SUMF1: variants seen among roughly 807,000 people sequenced by gnomAD.
SUMF1 encodes the protein sulfatase modifying factor 1, also known as formylglycine-generating enzyme.
SUMF1 carries 48 observed loss-of-function variants against 47.6 expected under a neutral mutation model. The observed-to-expected ratio is 1.01, with a 90% confidence interval of 0.80 to 1.28. The LOEUF (loss-of-function observed/expected upper bound fraction) is 1.28, where lower values mean the gene tolerates loss of function less well. SUMF1 is among the 50% of genes most tolerant of loss of function. The pLI is 0.00. For synonymous variants in SUMF1, 230 were observed against 192.1 expected (o/e 1.20, Z -1.63); for missense variants, 571 against 485.4 (o/e 1.18, Z -1.66).
rs1285024183 is a variant in SUMF1 at position 4,049,315 on chromosome 3, T to A, written c.1191+19254A>T. Among the ~76,000 whole-genome samples, 4 of 152,144 alleles carry A rather than the reference T, an allele frequency of 2.6e-5. No individual in the cohort carries two copies. In the East Asian group the frequency reaches 7.7e-4, roughly 29 times the overall value. On this transcript the variant is annotated intron_variant and NMD_transcript_variant, in intron 9 of 12. Transcript: ENST00000448413. ...AGCTTTTACTGGAGGTAATGCTGTA[T>A]CACTTCTTCTCGTATTTCACTGTCT... is the stretch of plus-strand genomic sequence containing the variant.
chr3:4,436,518 A>T (rs1183778315), intron 3 of SUMF1, among the ~76,000 whole-genome samples: 1 of 151,800 alleles, frequency 6.6e-6, no homozygotes, highest in African/African-American at 2.4e-5. Context: ...ATCTAATTGG[A>T]GTTTCAGAGG....
intron 6 of SUMF1, among the ~76,000 whole-genome samples, chr3:4,412,350 A>G (rs1181572176): frequency 3.3e-5 from 5 of 152,202 alleles, no homozygotes; most frequent in Non-Finnish European, 5.9e-5. Context: ...CGCAAGAGAG[A>G]GAAGCTTCTG....
At chr3:4,404,196 A>G (rs1237941769) in intron 7 of SUMF1, among the ~76,000 whole-genome samples, 2 of 152,208 alleles carry the variant, frequency 1.3e-5, no homozygotes, top group African/African-American at 4.8e-5. Flanking sequence ...AAAAATTACA[A>G]TGAGTAAACA....
intron 3 of SUMF1, among the ~76,000 whole-genome samples, chr3:4,426,074 A>C (rs965678964): frequency 1.3e-5 from 2 of 152,232 alleles, no homozygotes; most frequent in Non-Finnish European, 2.9e-5. Flanking sequence ...TATGGGAGCT[A>C]CAATTCATTC....
intron 8 of SUMF1, among the ~76,000 whole-genome samples, chr3:4,286,437 A>C (rs973470996): frequency 6.6e-6 from 1 of 152,128 alleles, no homozygotes; most frequent in Non-Finnish European, 1.5e-5. Context: ...GCTGTGCAAC[A>C]ATCAGCGCAC....
intron 7 of SUMF1, among the ~76,000 whole-genome samples, chr3:4,388,327 C>T (rs539667828): frequency 1.3e-5 from 2 of 152,182 alleles, no homozygotes; most frequent in South Asian, 4.1e-4. Flanking sequence ...TTCCTCAACT[C>T]TGGTAAATTT....
At chr3:4,303,494 T>C in intron 8 of SUMF1, 3 of 1,480,866 alleles carry the variant, frequency 2.0e-6, no homozygotes, top group Non-Finnish European at 2.7e-6. Context: ...GGTGGGCGCG[T>C]GGCCCCCGGG....
At chr3:4,366,207 T>C (rs931804523) in intron 8 of SUMF1, among the ~76,000 whole-genome samples, 6 of 151,916 alleles carry the variant, frequency 3.9e-5, no homozygotes, top group Non-Finnish European at 8.8e-5. Context: ...GGAGTTGCTC[T>C]TCTCGAGGAG....
At chr3:4,166,100 C>T (rs1825508) in intron 8 of SUMF1, among the ~76,000 whole-genome samples, 6,302 of 152,152 alleles carry the variant, frequency 0.041, 396 homozygotes, top group East Asian at 0.18. Flanking sequence ...AACACATTCT[C>T]GAAGACCTGC....
intron 8 of SUMF1, among the ~76,000 whole-genome samples, chr3:4,167,313 C>T (rs757486330): frequency 8.5e-5 from 13 of 152,204 alleles, no homozygotes; most frequent in Non-Finnish European, 1.9e-4. Context: ...CTTATTTGTC[C>T]CCTCCCATGT....
chr3:4,074,624 C>T (rs111358303), intron 8 of SUMF1, among the ~76,000 whole-genome samples: 1 of 151,808 alleles, frequency 6.6e-6, no homozygotes, highest in Non-Finnish European at 1.5e-5. Context: ...AGAGAAGAAT[C>T]AAATAGACCC....
At chr3:4,182,886 A>G (rs1283780335) in intron 8 of SUMF1, among the ~76,000 whole-genome samples, 1 of 152,114 alleles carries the variant, frequency 6.6e-6, no homozygotes, top group African/African-American at 2.4e-5. Context: ...ATGGGGAAAG[A>G]GGGTAAGTTG....
chr3:4,460,057 C>T (rs933419843), intron 1 of SUMF1, among the ~76,000 whole-genome samples: 4 of 152,116 alleles, frequency 2.6e-5, no homozygotes, highest in African/African-American at 9.7e-5. Flanking sequence ...AAAAAGGATG[C>T]TTTTGATATA....
chr3:4,259,386 G>C (rs769530000), intron 8 of SUMF1, among the ~76,000 whole-genome samples: 3 of 152,086 alleles, frequency 2.0e-5, no homozygotes, highest in Non-Finnish European at 4.4e-5. Flanking sequence ...TACATGTTAC[G>C]TAAGGCAAAA....
chr3:4,457,319 T>G (rs898973591), intron 1 of SUMF1, among the ~76,000 whole-genome samples: 3 of 151,986 alleles, frequency 2.0e-5, no homozygotes, highest in African/African-American at 7.3e-5. Flanking sequence ...TCAATGTAAT[T>G]TCTATCAAAT....
At chr3:4,367,353 T>C (rs891043012) in intron 8 of SUMF1, among the ~76,000 whole-genome samples, 1 of 152,250 alleles carries the variant, frequency 6.6e-6, no homozygotes, top group African/African-American at 2.4e-5. Flanking sequence ...CCAGGCCTCC[T>C]TGAGCTGTGG....
chr3:4,168,705 A>G (rs1312742918), intron 8 of SUMF1, among the ~76,000 whole-genome samples: 1 of 152,196 alleles, frequency 6.6e-6, no homozygotes, highest in Non-Finnish European at 1.5e-5. Context: ...TGAGCAAGTC[A>G]TTTCATACTT....
intron 8 of SUMF1, among the ~76,000 whole-genome samples, chr3:4,145,953 T>C (rs1403896177): frequency 6.6e-6 from 1 of 152,102 alleles, no homozygotes; most frequent in African/African-American, 2.4e-5. Flanking sequence ...CGGTATATTA[T>C]GATTGATTTC....
At chr3:4,422,602 A>G (rs1260750716) in intron 3 of SUMF1, among the ~76,000 whole-genome samples, 1 of 152,010 alleles carries the variant, frequency 6.6e-6, no homozygotes, top group Non-Finnish European at 1.5e-5. Flanking sequence ...AATATTCTTA[A>G]AAGAGTTTGT....
Sources: allele counts gnomAD v4.1 joint callset (sites outside exome capture counted in the v4.1 genomes callset), GRCh38; gene constraint gnomAD v4.1.1; transcripts MANE v1.5; gene names NCBI Gene and HGNC (gene_info 2026-07-23, HGNC 2026-07-21).